Variants in MICAL3 observed in about 807,000 individuals in gnomAD.
MICAL3 encodes microtubule associated monooxygenase, calponin and LIM domain containing 3, also known as [F-actin]-monooxygenase MICAL3.
Under a neutral mutation model 207.4 loss-of-function variants are expected in MICAL3, and 62 were observed. That is an observed-to-expected ratio of 0.30 (90% CI 0.24 to 0.37). MICAL3 has a LOEUF of 0.37. Ranked by LOEUF, MICAL3 falls within the 10% of genes least tolerant of loss-of-function variation. The pLI is 1.00. For missense variants in MICAL3, 2,368 were observed against 2,635.6 expected (o/e 0.90, Z 2.22); for synonymous variants, 1,077 against 1,069.3 (o/e 1.01, Z -0.14).
Position 17,789,440 on chromosome 22 carries a change from G to A in MICAL3, c.*1292C>T, listed in dbSNP as rs1235400683. ...AACTGAGACAAGGGCGAGTTCTGCA[G>A]AGCCGGAATTCTCACTGGGAGGGTG... On this transcript the variant is annotated 3_prime_UTR_variant, in exon 32 of 32. Transcript: ENST00000441493. 6.6e-6 allele frequency: 1 copy of A among 152,286 alleles called. No homozygotes were observed. Among genetic ancestry groups the A allele is most frequent in the Admixed American group, 6.5e-5 (1 of 15,294 alleles). The allele number at this position is 152,286 out of a possible 1,614,324, so 9.4% of individuals were successfully genotyped here.
At chr22:17,839,369 G>T (rs1389202401) in intron 20 of MICAL3, among the ~76,000 whole-genome samples, 3 of 149,290 alleles carry the variant, frequency 2.0e-5, no homozygotes, top group African/African-American at 7.5e-5. Flanking sequence ...CGATTCTCCT[G>T]CCTCAGCCTC....
rs113851035 is a variant in MICAL3 at position 17,822,048 on chromosome 22, G to C, written c.3430C>G (p.Pro1144Ala). 8.5e-4 allele frequency: 1,372 copies of C among 1,613,892 alleles called. 12 individuals are homozygous for C. The African/African-American group carries it at 0.016, about 19-fold the overall frequency. The change falls in exon 24 of 32, where the codon CCG (proline) becomes GCG (alanine). Residue 1144 changes from proline to alanine, a missense_variant. By Grantham distance (27) the Pro-to-Ala change is conservative. Around this residue, in one of 4 missense-constraint regions of MICAL3, gnomAD observed 1,770 missense variants for 1,863.2 expected, o/e 0.95. Transcript: ENST00000441493. ...SEDEEKLPAS[P>A]KHQERGPSQA... The stretch of plus-strand genomic sequence containing the variant: ...GGCTCACCTCTCTCTTGGTGCTTCG[G>C]TGAGGCGGGCAGCTTCTCCTCATCT...
At chr22:17,809,504 C>T (rs929361888) in intron 28 of MICAL3, among the ~76,000 whole-genome samples, 1 of 152,184 alleles carries the variant, frequency 6.6e-6, no homozygotes, top group Non-Finnish European at 1.5e-5. Flanking sequence ...TGTGGTGGCA[C>T]AGGCCTGTAA....
At chr22:17,876,047 G>A (rs965664350) in intron 16 of MICAL3, among the ~76,000 whole-genome samples, 5 of 152,182 alleles carry the variant, frequency 3.3e-5, no homozygotes, top group African/African-American at 1.2e-4. Context: ...TCTACAGAAG[G>A]GCCAGGAATG....
chr22:17,916,117 A>G (rs1932500260), intron 1 of MICAL3, among the ~76,000 whole-genome samples: 1 of 151,820 alleles, frequency 6.6e-6, no homozygotes, highest in African/African-American at 2.4e-5. Flanking sequence ...CAAAAAACGA[A>G]AACACAATTT....
At chr22:18,000,335 T>C (rs1013397046) in intron 1 of MICAL3, among the ~76,000 whole-genome samples, 5 of 152,142 alleles carry the variant, frequency 3.3e-5, no homozygotes, top group Non-Finnish European at 5.9e-5. Flanking sequence ...AATTAACATC[T>C]GCATTAAACA....
At chr22:17,851,952 G>A (rs186624197) in intron 19 of MICAL3, among the ~76,000 whole-genome samples, 5 of 152,274 alleles carry the variant, frequency 3.3e-5, no homozygotes, top group Non-Finnish European at 7.4e-5. Flanking sequence ...GGGTCAGCAC[G>A]AGCAAGTCCA....
At chr22:18,022,183 G>A (rs920881158) in intron 1 of MICAL3, among the ~76,000 whole-genome samples, 4 of 152,028 alleles carry the variant, frequency 2.6e-5, no homozygotes, top group Non-Finnish European at 5.9e-5. Flanking sequence ...AGAAGGCAAG[G>A]GTTAGAGGAA....
Position 17,791,612 on chromosome 22 carries a change from C to T in MICAL3, c.5651-311G>A, listed in dbSNP as rs555928573. 2.5e-4 allele frequency: 99 copies of T among 389,522 alleles called. 1 individual carries two copies. Among genetic ancestry groups the T allele is most frequent in the African/African-American group, 2.0e-3 (97 of 49,556 alleles). The allele number at this position is 389,522 out of a possible 1,614,324, so 24.1% of individuals were successfully genotyped here. On this transcript the variant is annotated intron_variant, in intron 29 of 31. Coordinates refer to ENST00000441493, the MANE Select transcript of MICAL3 (RefSeq NM_015241.3). ...CTCTTAGGATGACTTACATTGCTTT[C>T]CCTCTTTTTTGCCACTCAATGTTTA...
chr22:17,836,423 A>G (rs1344578296), intron 20 of MICAL3, among the ~76,000 whole-genome samples: 6 of 152,308 alleles, frequency 3.9e-5, no homozygotes, highest in African/African-American at 1.2e-4. Flanking sequence ...CGGGATTCCC[A>G]CCAGGGTCCA....
At chr22:17,854,633 G>C (rs1481387076) in intron 19 of MICAL3, among the ~76,000 whole-genome samples, 1 of 152,178 alleles carries the variant, frequency 6.6e-6, no homozygotes, top group Admixed American at 6.5e-5. Context: ...ACCCCAAGTA[G>C]CTGCATGAGC....
intron 29 of MICAL3, among the ~76,000 whole-genome samples, chr22:17,798,990 T>C (rs1455691121): frequency 2.0e-5 from 3 of 152,180 alleles, no homozygotes; most frequent in African/African-American, 7.2e-5. Context: ...TGCCTTTTTA[T>C]TGAACTCCTG....
At chr22:17,911,057 C>T (rs1443345212) in intron 1 of MICAL3, among the ~76,000 whole-genome samples, 1 of 152,158 alleles carries the variant, frequency 6.6e-6, no homozygotes, top group Non-Finnish European at 1.5e-5. Context: ...GGTTTCCAGG[C>T]ATCTGTGAGT....
rs574014857 is a variant in MICAL3 at position 17,808,028 on chromosome 22, C to T, written c.5650+816G>A. On this transcript the variant is annotated intron_variant, in intron 29 of 31. Transcript: ENST00000441493. ...GAAGGCAGAGTGGCCACTGCACCCC[C>T]GGGGCTGGTCCTGCAGCTTCAAGGT... Among the ~76,000 whole-genome samples, 262 of 152,390 alleles carry T rather than the reference C, an allele frequency of 1.7e-3. 2 individuals are homozygous for T. The highest frequency in any genetic ancestry group is 6.0e-3 in the African/African-American group (251 of 41,598).
intron 19 of MICAL3, among the ~76,000 whole-genome samples, chr22:17,857,862 T>A (rs769444839): frequency 4.6e-5 from 7 of 152,224 alleles, no homozygotes; most frequent in Non-Finnish European, 1.0e-4. Context: ...ATACTTCTTA[T>A]TGCTGGGAGG....
rs200100943 is a variant in MICAL3 at position 17,810,806 on chromosome 22, G to A, written c.5453C>T (p.Thr1818Ile). The A allele has an allele frequency of 1.7e-4, 281 of 1,613,598 alleles. No homozygotes were observed. Among genetic ancestry groups the A allele is most frequent in the Non-Finnish European group, 2.3e-4 (269 of 1,179,698 alleles). Residue 1818 changes from threonine (T) to isoleucine (I), a missense_variant, in exon 28 of 32, where the codon ACC (threonine) becomes ATC (isoleucine). This residue lies in a region of MICAL3 where 1,770 missense variants were observed against 1,863.2 expected (regional missense o/e 0.95). Transcript: ENST00000441493. ...GGCATTCAGTTCCTCCTCCGTGTAG[G>A]TTCTTGGCTGGAGAGAACAAGAGAA... ...SSQKSRREPR[T>I]YTEEELNAKL...
chr22:17,882,496 C>T (rs984683413), intron 16 of MICAL3, among the ~76,000 whole-genome samples: 5 of 152,230 alleles, frequency 3.3e-5, no homozygotes, highest in African/African-American at 1.2e-4. Context: ...TGGAGTTCCT[C>T]TGTCCCAGGC....
chr22:17,863,313 C>G (rs1048559315), intron 19 of MICAL3: 23 of 985,248 alleles, frequency 2.3e-5, no homozygotes, highest in Non-Finnish European at 2.7e-5. Context: ...TAGTCAGGTT[C>G]CTCAGAAAAT....
chr22:17,919,636 G>A (rs938326136), intron 1 of MICAL3, among the ~76,000 whole-genome samples: 20 of 152,344 alleles, frequency 1.3e-4, no homozygotes, highest in Non-Finnish European at 5.9e-5. Flanking sequence ...CAGAGAATGG[G>A]ACCCCTACAA....
Sources: allele counts gnomAD v4.1 joint callset (sites outside exome capture counted in the v4.1 genomes callset), GRCh38; gene constraint gnomAD v4.1.1; regional missense constraint gnomAD v4.1.1; transcripts MANE v1.5; gene names NCBI Gene and HGNC (gene_info 2026-07-23, HGNC 2026-07-21).